Variants in SMOC2 observed in about 807,000 individuals in gnomAD.
SMOC2 encodes SPARC-related modular calcium-binding protein 2.
SMOC2 carries 39 observed loss-of-function variants against 61.4 expected under a neutral mutation model. The ratio of observed to expected loss-of-function variants is 0.64; its 90% CI spans 0.49 to 0.83. The LOEUF (loss-of-function observed/expected upper bound fraction) is 0.83. Among genes scored for constraint, SMOC2 ranks in the 40% least tolerant of loss-of-function variants. The pLI, the probability that SMOC2 is intolerant of heterozygous loss-of-function variation, is 0.00. For missense variants in SMOC2, 556 were observed against 592.9 expected, an observed-to-expected ratio of 0.94 and a Z score of 0.65; for synonymous variants, 247 against 239.9, an observed-to-expected ratio of 1.03 and a Z score of -0.27.
At chr6:168,570,786 T>G (rs1287792731) in intron 7 of SMOC2, among the ~76,000 whole-genome samples, 3 of 152,266 alleles carry the variant, frequency 2.0e-5, no homozygotes, top group Admixed American at 6.5e-5. Flanking sequence ...TTAAGCATTC[T>G]GTGATGGATG....
chr6:168,660,759 GC>G lies in SMOC2; in HGVS notation c.1286-3312del, dbSNP rs1258445563. On this transcript the variant is annotated intron_variant, in intron 11 of 12. Transcript: ENST00000356284. ...CCTCTCAGCCTCCCACCTTCCAAAGGCCCGAGCCGCAGTGTGGGGCAGGGAA... is the reference window on the plus strand; with the variant it reads ...CCTCTCAGCCTCCCACCTTCCAAAGGCCGAGCCGCAGTGTGGGGCAGGGAA... Among the ~76,000 whole-genome samples, 16 of 152,362 alleles carry G rather than the reference GC, an allele frequency of 1.1e-4. No individual in the cohort carries two copies. In the East Asian group the frequency reaches 1.4e-3, roughly 13 times the overall value.
chr6:168,621,803 C>G (rs1339743074), intron 9 of SMOC2, among the ~76,000 whole-genome samples: 1 of 152,152 alleles, frequency 6.6e-6, no homozygotes, highest in Non-Finnish European at 1.5e-5. Flanking sequence ...CTGGTCCTAC[C>G]TTTGACATGT....
intron 2 of SMOC2, among the ~76,000 whole-genome samples, chr6:168,521,024 C>G (rs570643403): frequency 6.6e-6 from 1 of 152,308 alleles, no homozygotes; most frequent in East Asian, 1.9e-4. Context: ...TTGAGAGATT[C>G]TAGCAAAGTA....
chr6:168,584,276 A>T (rs1784995614), intron 7 of SMOC2, among the ~76,000 whole-genome samples: 1 of 152,242 alleles, frequency 6.6e-6, no homozygotes, highest in Admixed American at 6.5e-5. Context: ...CACCAGTGGG[A>T]ATCTGAGTTC....
intron 9 of SMOC2, among the ~76,000 whole-genome samples, chr6:168,616,894 G>A (rs58811933): frequency 0.26 from 39,146 of 152,046 alleles, 5,155 homozygotes; most frequent in Non-Finnish European, 0.27. Flanking sequence ...TGCACTGCGG[G>A]GGGGTTGCAG....
intron 7 of SMOC2, among the ~76,000 whole-genome samples, chr6:168,564,971 T>C (rs1192846182): frequency 6.6e-6 from 1 of 152,198 alleles, no homozygotes; most frequent in Non-Finnish European, 1.5e-5. Flanking sequence ...GTGAAGCTGG[T>C]AAAAGTAACA....
intron 9 of SMOC2, among the ~76,000 whole-genome samples, chr6:168,648,048 G>T (rs1462581270): frequency 6.7e-6 from 1 of 148,720 alleles, no homozygotes; most frequent in Admixed American, 6.6e-5. Flanking sequence ...TCATTTGGGG[G>T]AATATGATTA....
chr6:168,573,628 C>T (rs1267844007), intron 7 of SMOC2, among the ~76,000 whole-genome samples: 1 of 152,140 alleles, frequency 6.6e-6, no homozygotes, highest in African/African-American at 2.4e-5. Context: ...CAGAGAGCAG[C>T]ATGCATGGGG....
At chr6:168,533,017 G>T (rs1783648867) in intron 4 of SMOC2, among the ~76,000 whole-genome samples, 1 of 149,912 alleles carries the variant, frequency 6.7e-6, no homozygotes, top group Admixed American at 6.7e-5. Flanking sequence ...TTATAATTTG[G>T]TTTTAATTAC....
intron 8 of SMOC2, among the ~76,000 whole-genome samples, chr6:168,604,768 C>T (rs1358211792): frequency 5.3e-5 from 8 of 152,264 alleles, no homozygotes; most frequent in Middle Eastern, 3.4e-3. Context: ...AATTAAAAGG[C>T]GTTAGTTTTG....
At chr6:168,527,807 T>G in intron 4 of SMOC2, 80 bp downstream of exon 4, 1 of 970,090 alleles carries the variant, frequency 1.0e-6, no homozygotes, top group Non-Finnish European at 1.6e-6. Flanking sequence ...TCCCTGGGTT[T>G]ACTGATAATT....
At chr6:168,615,185 A>T in intron 9 of SMOC2, among the ~76,000 whole-genome samples, 1 of 72,412 alleles carries the variant, frequency 1.4e-5, no homozygotes, top group African/African-American at 5.8e-5. Context: ...GCCTCTTCAC[A>T]CCTACAGCCA....
intron 1 of SMOC2, among the ~76,000 whole-genome samples, chr6:168,443,671 G>A (rs973835041): frequency 6.6e-6 from 1 of 152,214 alleles, no homozygotes; most frequent in Non-Finnish European, 1.5e-5. Flanking sequence ...GGATTTTTCA[G>A]TGTGCTCATC....
intron 9 of SMOC2, among the ~76,000 whole-genome samples, chr6:168,638,668 C>T (rs148617661): frequency 7.7e-4 from 117 of 152,242 alleles, no homozygotes; most frequent in African/African-American, 2.8e-3. Flanking sequence ...TGCTCCCAGC[C>T]CTTCCTAACT....
intron 1 of SMOC2, among the ~76,000 whole-genome samples, chr6:168,483,802 A>G (rs1366146722): frequency 2.0e-5 from 3 of 152,164 alleles, no homozygotes; most frequent in Non-Finnish European, 2.9e-5. Flanking sequence ...ATCTATGCCA[A>G]ATGATTTTTG....
intron 9 of SMOC2, among the ~76,000 whole-genome samples, chr6:168,624,854 C>T (rs9456257): frequency 1.4e-5 from 2 of 140,730 alleles, no homozygotes; most frequent in South Asian, 2.4e-4. Flanking sequence ...GGCACACAGA[C>T]ACACACACAT....
intron 7 of SMOC2, among the ~76,000 whole-genome samples, chr6:168,567,357 T>C (rs1784568387): frequency 1.3e-5 from 2 of 152,232 alleles, no homozygotes; most frequent in Admixed American, 1.3e-4. Flanking sequence ...AGCAATATGT[T>C]ACAACCAAAA....
intron 2 of SMOC2, among the ~76,000 whole-genome samples, chr6:168,513,648 T>G (rs1783062520): frequency 6.6e-6 from 1 of 152,252 alleles, no homozygotes; most frequent in Admixed American, 6.5e-5. Flanking sequence ...ATTTACTTGA[T>G]ATTAATACAT....
At chr6:168,602,331 G>A (rs1785573147) in intron 8 of SMOC2, among the ~76,000 whole-genome samples, 1 of 152,204 alleles carries the variant, frequency 6.6e-6, no homozygotes, top group Non-Finnish European at 1.5e-5. Context: ...AGTTGTTGTT[G>A]TTTTGGTCTG....
Sources: allele counts gnomAD v4.1 joint callset (sites outside exome capture counted in the v4.1 genomes callset), GRCh38; gene constraint gnomAD v4.1.1; transcripts MANE v1.5; gene names NCBI Gene and HGNC (gene_info 2026-07-23, HGNC 2026-07-21).